The following TMC1 variants were observed in gnomAD, a reference collection of about 807,000 sequenced individuals.
The protein encoded by TMC1 is transmembrane channel like 1.
TMC1 carries 84 observed loss-of-function variants against 105.8 expected under a neutral mutation model. The ratio of observed to expected loss-of-function variants is 0.79; its 90% CI spans 0.67 to 0.95. TMC1 has a LOEUF of 0.95. TMC1 is among the 40% of genes least tolerant of loss of function. The pLI is 0.00. For missense variants in TMC1, 817 were observed against 914.1 expected (o/e 0.89, Z 1.37); for synonymous variants, 315 against 311.5 (o/e 1.01, Z -0.12).
At chr9:72,559,143 G>T (rs967716235) in intron 1 of TMC1, among the ~76,000 whole-genome samples, 2 of 150,518 alleles carry the variant, frequency 1.3e-5, no homozygotes, top group African/African-American at 2.5e-5. Context: ...CGCCCAGGCT[G>T]GAGTGCAATG....
intron 5 of TMC1, among the ~76,000 whole-genome samples, chr9:72,650,298 AAAAT>A (rs1825779822): frequency 6.6e-6 from 1 of 152,186 alleles, no homozygotes. Flanking sequence ...AGAATGGAAA[AAAAT>A]GATAGACTTG....
intron 5 of TMC1, among the ~76,000 whole-genome samples, chr9:72,650,261 T>C (rs1051215247): frequency 1.3e-5 from 2 of 152,122 alleles, no homozygotes; most frequent in Non-Finnish European, 2.9e-5. Flanking sequence ...AAAGCAAATG[T>C]TTTTAAGGCA....
chr9:72,546,572 A>G lies in TMC1; in HGVS notation c.-428+24659A>G, dbSNP rs557833707. The stretch of plus-strand genomic sequence containing the variant: ...AAAAGATGTAAATGGCCATTTCCTT[A>G]TACTTGTGATTAAATATTTGTTGGC... On this transcript the variant is annotated intron_variant, in intron 1 of 23. Transcript: ENST00000297784. Among the ~76,000 whole-genome samples the G allele has an allele frequency of 6.4e-4, 98 of 152,274 alleles. 1 individual carries two copies. Among genetic ancestry groups the G allele is most frequent in the Non-Finnish European group, 1.0e-3 (68 of 68,010 alleles).
chr9:72,756,156 G>C (rs946242869), intron 12 of TMC1, among the ~76,000 whole-genome samples: 22 of 152,172 alleles, frequency 1.4e-4, no homozygotes, highest in Admixed American at 9.8e-4. Flanking sequence ...CTGTCAGTTG[G>C]ACTTTCCATT....
chr9:72,730,463 C>A (rs1217306116), intron 8 of TMC1, among the ~76,000 whole-genome samples: 3 of 152,158 alleles, frequency 2.0e-5, no homozygotes, highest in Non-Finnish European at 4.4e-5. Flanking sequence ...CTGAGCCCAA[C>A]AGTTCCATAT....
intron 23 of TMC1, among the ~76,000 whole-genome samples, chr9:72,834,771 G>A (rs1483196198): frequency 1.3e-5 from 2 of 152,036 alleles, no homozygotes; most frequent in Non-Finnish European, 2.9e-5. Context: ...GTGGGGGTTG[G>A]GGAGCAATTA....
chr9:72,661,331 C>T (rs1160622053), intron 5 of TMC1, among the ~76,000 whole-genome samples: 2 of 152,220 alleles, frequency 1.3e-5, no homozygotes, highest in African/African-American at 4.8e-5. Context: ...TTATACTTCT[C>T]AAGCAGCTGT....
chr9:72,723,555 A>G (rs1827067538), intron 8 of TMC1, among the ~76,000 whole-genome samples: 1 of 152,228 alleles, frequency 6.6e-6, no homozygotes, highest in Admixed American at 6.5e-5. Context: ...TATCTTATTA[A>G]TATTTATTGT....
chr9:72,730,884 C>G (rs911132590), intron 8 of TMC1, among the ~76,000 whole-genome samples: 1 of 152,156 alleles, frequency 6.6e-6, no homozygotes, highest in African/African-American at 2.4e-5. Context: ...GTTTGCACCC[C>G]TATGAAAATC....
chr9:72,820,578 ATAG>A (rs1828850941), intron 19 of TMC1, among the ~76,000 whole-genome samples: 1 of 152,238 alleles, frequency 6.6e-6, no homozygotes, highest in African/African-American at 2.4e-5. Context: ...TTCACTAATG[ATAG>A]TAGGTATAGT....
At chr9:72,709,422 G>A (rs1393149341) in intron 8 of TMC1, among the ~76,000 whole-genome samples, 1 of 152,040 alleles carries the variant, frequency 6.6e-6, no homozygotes, top group Non-Finnish European at 1.5e-5. Flanking sequence ...TTGTGGAATA[G>A]TGTCAATAGG....
chr9:72,581,388 C>T (rs1044403106), intron 2 of TMC1, among the ~76,000 whole-genome samples: 7 of 152,100 alleles, frequency 4.6e-5, no homozygotes, highest in Admixed American at 1.3e-4. Context: ...GTGATGATCA[C>T]GTTTTTATTT....
chr9:72,712,434 T>A (rs1194411546), intron 8 of TMC1, among the ~76,000 whole-genome samples: 1 of 152,228 alleles, frequency 6.6e-6, no homozygotes, highest in African/African-American at 2.4e-5. Flanking sequence ...GTGTCCTCTC[T>A]TATTTCCTTG....
chr9:72,685,921 T>C (rs1247980423), intron 5 of TMC1, among the ~76,000 whole-genome samples: 1 of 152,202 alleles, frequency 6.6e-6, no homozygotes, highest in Non-Finnish European at 1.5e-5. Flanking sequence ...CACTGTGTTA[T>C]CCTGAAGAAG....
At chr9:72,819,436 T>C (rs1290637946) in intron 19 of TMC1, among the ~76,000 whole-genome samples, 1 of 152,210 alleles carries the variant, frequency 6.6e-6, no homozygotes, top group Non-Finnish European at 1.5e-5. Flanking sequence ...GCTCACTTTT[T>C]TGGCGTTCCC....
At chr9:72,593,734 AG>A (rs1279506569) in intron 2 of TMC1, among the ~76,000 whole-genome samples, 8 of 151,874 alleles carry the variant, frequency 5.3e-5, no homozygotes, top group African/African-American at 1.9e-4. Context: ...AAGAAGAAGA[AG>A]AAGGAAAAGA....
In TMC1 at chr9:72,662,011, C is replaced by G. The variant is rs559648195; in HGVS notation, c.16+13347C>G. Among the ~76,000 whole-genome samples the G allele has an allele frequency of 3.3e-5, 5 of 152,260 alleles. No homozygotes were observed. In the South Asian group the frequency reaches 8.3e-4, roughly 25 times the overall value. On this transcript the variant is annotated intron_variant, in intron 5 of 23. Transcript: ENST00000297784. Reference sequence around the variant, plus strand: ...GATAGTTCAGCTAGGTCTGATGGAACATTCCAGTTTTGCCAACAGAAGGAA... The same window carrying G: ...GATAGTTCAGCTAGGTCTGATGGAAGATTCCAGTTTTGCCAACAGAAGGAA...
At chr9:72,791,783 A>C (rs1828271176) in intron 15 of TMC1, 103 bp from the exon 16 acceptor site, 4 of 962,524 alleles carry the variant, frequency 4.2e-6, no homozygotes, top group Non-Finnish European at 6.6e-6. Context: ...TAGTCTTAAA[A>C]AAGATCAAAG....
chr9:72,600,759 C>T (rs1824796166), intron 2 of TMC1, among the ~76,000 whole-genome samples: 1 of 151,712 alleles, frequency 6.6e-6, no homozygotes, highest in Non-Finnish European at 1.5e-5. Context: ...AATTTATTTC[C>T]TGTTTTACCC....
Sources: allele counts gnomAD v4.1 joint callset (sites outside exome capture counted in the v4.1 genomes callset), GRCh38; gene constraint gnomAD v4.1.1; transcripts MANE v1.5; gene names NCBI Gene and HGNC (gene_info 2026-07-23, HGNC 2026-07-21).